Variants in AKAP8L observed in about 807,000 individuals in gnomAD.
AKAP8L encodes A-kinase anchoring protein 8 like.
AKAP8L carries 34 observed loss-of-function variants against 77.5 expected under a neutral mutation model. The observed-to-expected ratio is 0.44, with a 90% CI of 0.33 to 0.58. The LOEUF (loss-of-function observed/expected upper bound fraction) is 0.58. Among genes scored for constraint, AKAP8L ranks in the 20% least tolerant of loss-of-function variants. AKAP8L has a pLI of 0.02. For missense variants in AKAP8L, 806 were observed against 887.6 expected (o/e 0.91, Z 1.17); for synonymous variants, 342 against 340.7 (o/e 1.00, Z -0.04).
intron 2 of AKAP8L, 111 bp downstream of exon 2, chr19:15,410,409 A>AAGT (rs1968084998): frequency 3.3e-6 from 3 of 900,846 alleles, no homozygotes; most frequent in Non-Finnish European, 5.2e-6. Flanking sequence ...CATTTCACAC[A>AAGT]AGTTTAGGTT....
intron 12 of AKAP8L, among the ~76,000 whole-genome samples, chr19:15,396,850 G>A (rs1351660398): frequency 6.6e-6 from 1 of 152,200 alleles, no homozygotes; most frequent in Non-Finnish European, 1.5e-5. Flanking sequence ...CCCTCCTCCA[G>A]CAACACTTGC....
At position 15,401,597 on chromosome 19, in the gene AKAP8L, G is replaced by A. The variant is rs1269425877; in HGVS notation, c.369C>T (p.Asp123=). The change falls in exon 5 of 14, where the codon GAC becomes GAT. Residue 123 remains aspartate, a synonymous_variant. Coordinates refer to ENST00000397410, the MANE Select transcript of AKAP8L (RefSeq NM_014371.4). This position sits in a 1 kb window ranked among gnomAD's most constrained non-coding sequence, Gnocchi z 6.2. Reference sequence around the variant, plus strand: ...CCCTCGAGTCGCAGGACTCATAAGAGTCATACCTGCAGAGGCATGGGGTGA... The same window carrying A: ...CCCTCGAGTCGCAGGACTCATAAGAATCATACCTGCAGAGGCATGGGGTGA... ...GVYGSGGERY[D]SYESCDSRAV... 1 of 1,590,138 alleles carries A rather than the reference G, an allele frequency of 6.3e-7. No individual in the cohort carries two copies. The highest frequency in any genetic ancestry group is 2.3e-5 in the East Asian group (1 of 43,958).
chr19:15,417,790 T>C lies in AKAP8L; in HGVS notation c.13+1121A>G, dbSNP rs145387615. ...TGGCAACCACACACGCTCAAGCCTA[T>C]AATACCCTCACCAAACAGGGAGGCC... On this transcript the variant is annotated intron_variant, in intron 1 of 13. Coordinates refer to ENST00000397410, the MANE Select transcript of AKAP8L (RefSeq NM_014371.4). The C allele has an allele frequency of 7.2e-5, 11 of 152,360 alleles. No individual in the cohort carries two copies. The East Asian group carries it at 2.1e-3, about 29-fold the overall frequency. 9.4% of individuals were successfully genotyped at this position (152,360 alleles called of 1,614,324 possible). A position where few individuals can be genotyped will look rare whatever the true frequency, so the allele number is the denominator to read the frequency against.
chr19:15,401,054 AG>A lies in AKAP8L; in HGVS notation c.817-12del, dbSNP rs767920497. 9.9e-6 allele frequency: 16 copies of A among 1,611,536 alleles called. No homozygotes were observed. The highest frequency in any genetic ancestry group is 2.2e-5 in the East Asian group (1 of 44,858). ...CTTCTTCTTCTTGGTCTGGGTCATA[AG>A]GGGGGGAAGCCGTGTCAGGGTGCAT... On this transcript the variant is annotated splice_polypyrimidine_tract_variant and intron_variant, in intron 5 of 13. Transcript: ENST00000397410. This position sits in a 1 kb window ranked among gnomAD's most constrained non-coding sequence, Gnocchi z 6.2.
intron 12 of AKAP8L, among the ~76,000 whole-genome samples, chr19:15,387,735 T>C (rs1208743952): frequency 1.3e-5 from 2 of 152,080 alleles, no homozygotes; most frequent in African/African-American, 4.8e-5. Context: ...CTGAGGTGGG[T>C]GGCTCATAAG....
At chr19:15,418,442 G>A (rs557531251) in intron 1 of AKAP8L, among the ~76,000 whole-genome samples, 5 of 152,312 alleles carry the variant, frequency 3.3e-5, no homozygotes, top group African/African-American at 9.6e-5. Context: ...TAGACAAAAG[G>A]GGGTGGTGGG....
chr19:15,399,720 T>C lies in AKAP8L; in HGVS notation c.1049-310A>G, dbSNP rs918405259. On this transcript the variant is annotated intron_variant, in intron 8 of 13. Transcript: ENST00000397410. This position sits in a 1 kb window ranked among gnomAD's most constrained non-coding sequence, Gnocchi z 6.1. ...GTATCTTTGTGGGGACACTGGCACA[T>C]GTTCAGAGGGGCCAGGTGGTGGGAT... 30 of 397,214 alleles carry C rather than the reference T, an allele frequency of 7.6e-5. No individual in the cohort carries two copies. In the Admixed American group the frequency reaches 9.2e-4, roughly 12 times the overall value. The allele number at this position is 397,214 out of a possible 1,614,324, so 24.6% of individuals were successfully genotyped here.
rs1350133753 is a variant in AKAP8L, at chr19:15,403,558, G to C, written c.279C>G (p.Ser93=). The change falls in exon 4 of 14, where the codon TCC becomes TCG. Residue 93 remains serine (S), a synonymous_variant. Coordinates refer to ENST00000397410, the MANE Select transcript of AKAP8L (RefSeq NM_014371.4). The surrounding 1 kb of genome is among the most constrained non-coding windows in gnomAD (Gnocchi z 4.3). ...CCATATCTAAGCGCTGGTTAATTCT[G>C]GATAAAACGGAATCGGCACTGGCGC... ...SGSASADSVL[S]RINQRLDMVP... is the part of the protein sequence containing the mutation. The C allele has an allele frequency of 1.9e-6, 3 of 1,613,968 alleles. No individual in the cohort carries two copies. Among genetic ancestry groups the C allele is most frequent in the South Asian group, 1.1e-5 (1 of 91,074 alleles).
rs1967830820 is a variant in AKAP8L at position 15,398,879 on chromosome 19, C to T, written c.1157+423G>A. 2 of 884,868 alleles carry T rather than the reference C, an allele frequency of 2.3e-6. No individual in the cohort carries two copies. Among genetic ancestry groups the T allele is most frequent in the South Asian group, 7.2e-5 (2 of 27,912 alleles). 54.8% of individuals were successfully genotyped at this position (884,868 alleles called of 1,614,324 possible). A position where few individuals can be genotyped will look rare whatever the true frequency, so the allele number is the denominator to read the frequency against. On this transcript the variant is annotated intron_variant, in intron 9 of 13. Transcript: ENST00000397410. The surrounding 1 kb of genome is among the most constrained non-coding windows in gnomAD (Gnocchi z 9.2). ...GCAGGCCCGAGGCTGCCACAGCCCA[C>T]AGGTGCTGCCATCTCTCCTGGGCAC...
intron 12 of AKAP8L, among the ~76,000 whole-genome samples, chr19:15,390,095 A>C (rs1967629711): frequency 6.6e-6 from 1 of 152,080 alleles, no homozygotes; most frequent in Non-Finnish European, 1.5e-5. Context: ...ACAAGTGGAG[A>C]CTGAATTATT....
intron 12 of AKAP8L, among the ~76,000 whole-genome samples, chr19:15,381,488 G>C (rs571127682): frequency 7.2e-5 from 11 of 152,130 alleles, no homozygotes; most frequent in Admixed American, 3.3e-4. Context: ...ATCTCACTTT[G>C]ATCATTATAA....
chr19:15,411,617 C>T (rs1475417036), intron 1 of AKAP8L, among the ~76,000 whole-genome samples: 4 of 152,156 alleles, frequency 2.6e-5, no homozygotes, highest in Admixed American at 2.6e-4. Context: ...GAGCAAGACC[C>T]TGTCTCAAAA....
chr19:15,418,032 C>G (rs1017467477), intron 1 of AKAP8L, among the ~76,000 whole-genome samples: 1 of 152,202 alleles, frequency 6.6e-6, no homozygotes, highest in Non-Finnish European at 1.5e-5. Context: ...CAGTTCCTGC[C>G]CGTAAGCCTT....
intron 12 of AKAP8L, among the ~76,000 whole-genome samples, chr19:15,388,321 C>T (rs1359944593): frequency 2.8e-5 from 4 of 143,280 alleles, no homozygotes; most frequent in Non-Finnish European, 4.5e-5. Context: ...GTCTAGTTAA[C>T]AGTGAAAAAT....
At chr19:15,380,953 A>C in intron 12 of AKAP8L, 1 of 260,866 alleles carries the variant, frequency 3.8e-6, no homozygotes, top group Non-Finnish European at 7.4e-6. Flanking sequence ...AACCTGTAAC[A>C]AGGTGCCAAC....
In AKAP8L at chr19:15,380,223, C is replaced by T. The variant is rs1395296173; in HGVS notation, c.1840G>A (p.Gly614Ser). 11 of 1,449,520 alleles carry T rather than the reference C, an allele frequency of 7.6e-6. No homozygotes were observed. In the Admixed American group the frequency reaches 2.6e-4, roughly 34 times the overall value. The allele number at this position is 1,449,520 out of a possible 1,614,324, so 89.8% of individuals were successfully genotyped here. A position where few individuals can be genotyped will look rare whatever the true frequency, so the allele number is the denominator to read the frequency against. Residue 614 changes from glycine to serine, a missense_variant, in exon 14 of 14, where the codon GGC (glycine) becomes AGC (serine). Physicochemically the swap from Gly to Ser is moderately conservative, Grantham distance 56. Transcript: ENST00000397410. The stretch of plus-strand genomic sequence containing the variant: ...GCCCCTCCCAGCAAGGGCACGGCGC[C>T]CTCCTCCTCCTCCTCTGGGGGCGGC... ...PPPPPEEEEE[G>S]AVPLLGGALQ...
intron 2 of AKAP8L, among the ~76,000 whole-genome samples, chr19:15,409,693 C>T (rs371816123): frequency 6.6e-6 from 1 of 152,316 alleles, no homozygotes; most frequent in Non-Finnish European, 1.5e-5. Flanking sequence ...CCACAGCACA[C>T]AAACAAAACA....
chr19:15,414,134 G>A (rs1968158514), intron 1 of AKAP8L, among the ~76,000 whole-genome samples: 2 of 145,930 alleles, frequency 1.4e-5, no homozygotes, highest in Admixed American at 7.1e-5. Context: ...GTGCGATCTC[G>A]GTTCACCGCA....
At chr19:15,385,898 C>T (rs1967524340) in intron 12 of AKAP8L, among the ~76,000 whole-genome samples, 1 of 149,684 alleles carries the variant, frequency 6.7e-6, no homozygotes, top group Admixed American at 6.7e-5. Flanking sequence ...TATATCCAGC[C>T]AACTTTCTTT....
Sources: gnomAD v4.1 joint callset for allele counts (sites outside exome capture counted in the v4.1 genomes callset) on GRCh38, gnomAD v4.1.1 for gene constraint, Gnocchi (gnomAD v3.1) non-coding constraint, MANE v1.5 for transcripts, NCBI Gene and HGNC (gene_info 2026-07-23, HGNC 2026-07-21) for gene names.